PLA2G4A: variants seen among roughly 807,000 people sequenced by gnomAD.
PLA2G4A encodes the protein phospholipase A2 group IVA, also known as cytosolic phospholipase A2.
PLA2G4A carries 40 observed loss-of-function variants against 81.9 expected under a neutral mutation model. The observed-to-expected ratio is 0.49, with a 90% confidence interval of 0.38 to 0.64. The LOEUF (loss-of-function observed/expected upper bound fraction) is 0.64, where lower values mean the gene tolerates loss of function less well. Ranked by LOEUF, PLA2G4A falls within the 30% of genes least tolerant of loss-of-function variation. The pLI, the probability that PLA2G4A is intolerant of heterozygous loss-of-function variation, is 0.00. For missense variants in PLA2G4A, 715 were observed against 905.1 expected, an observed-to-expected ratio of 0.79 and a Z score of 2.69; for synonymous variants, 302 against 296.9, an observed-to-expected ratio of 1.02 and a Z score of -0.18.
intron 1 of PLA2G4A, among the ~76,000 whole-genome samples, chr1:186,843,854 G>A (rs1175070313): frequency 6.6e-5 from 10 of 152,248 alleles, no homozygotes; most frequent in East Asian, 1.9e-4. Context: ...CTCTGAAGCC[G>A]TTTCTACTTT....
At chr1:186,867,275 T>C (rs2102052886) in intron 2 of PLA2G4A, among the ~76,000 whole-genome samples, 1 of 152,270 alleles carries the variant, frequency 6.6e-6, no homozygotes, top group South Asian at 2.1e-4. Flanking sequence ...TTGTTGAATC[T>C]ATAGATCACA....
At chr1:186,932,294 C>CTT (rs67757094) in intron 7 of PLA2G4A, among the ~76,000 whole-genome samples, 171 of 138,528 alleles carry the variant, frequency 1.2e-3, no homozygotes, top group African/African-American at 3.0e-3. Flanking sequence ...TTTTCTTTTT[C>CTT]TTTTTTTTTT....
intron 2 of PLA2G4A, among the ~76,000 whole-genome samples, chr1:186,863,734 C>A (rs1037110629): frequency 6.6e-6 from 1 of 150,604 alleles, no homozygotes; most frequent in Admixed American, 6.7e-5. Flanking sequence ...AGATGTTGTG[C>A]TATTTGTTTT....
At chr1:186,966,447 T>C (rs1657133720) in intron 15 of PLA2G4A, among the ~76,000 whole-genome samples, 1 of 152,026 alleles carries the variant, frequency 6.6e-6, no homozygotes, top group African/African-American at 2.4e-5. Context: ...AGATGAAGAT[T>C]TATCATTAGG....
At chr1:186,972,298 T>C (rs2102287378) in intron 15 of PLA2G4A, among the ~76,000 whole-genome samples, 1 of 152,278 alleles carries the variant, frequency 6.6e-6, no homozygotes, top group African/African-American at 2.4e-5. Flanking sequence ...TTGTTAACCA[T>C]TTAATATCTT....
intron 10 of PLA2G4A, among the ~76,000 whole-genome samples, chr1:186,941,513 T>C (rs1025851667): frequency 2.0e-5 from 3 of 152,194 alleles, no homozygotes; most frequent in African/African-American, 7.2e-5. Flanking sequence ...GGGGAGTAGG[T>C]ATTTTTAGCT....
intron 2 of PLA2G4A, 48 bp from the exon 3 acceptor site, chr1:186,870,387 G>T (rs1466618149): frequency 5.5e-6 from 6 of 1,081,432 alleles, no homozygotes; most frequent in South Asian, 1.3e-5. Flanking sequence ...AAAAAATGAG[G>T]TTCTATGTTG....
intron 13 of PLA2G4A, among the ~76,000 whole-genome samples, chr1:186,954,374 G>C (rs1192649766): frequency 6.6e-6 from 1 of 152,100 alleles, no homozygotes; most frequent in African/African-American, 2.4e-5. Flanking sequence ...CTCACTCATA[G>C]GTGGGAATTA....
chr1:186,856,150 A>G (rs547094595), intron 2 of PLA2G4A, among the ~76,000 whole-genome samples: 10 of 152,148 alleles, frequency 6.6e-5, no homozygotes, highest in African/African-American at 2.2e-4. Context: ...TAATGATTCT[A>G]CAGAGGAGAG....
intron 7 of PLA2G4A, among the ~76,000 whole-genome samples, chr1:186,922,478 C>T (rs1010176842): frequency 1.3e-5 from 2 of 152,096 alleles, no homozygotes; most frequent in Non-Finnish European, 2.9e-5. Flanking sequence ...TGATCCTTCA[C>T]GGGGGCCTGC....
intron 7 of PLA2G4A, among the ~76,000 whole-genome samples, chr1:186,929,617 A>G (rs1161622526): frequency 2.0e-5 from 3 of 152,166 alleles, no homozygotes; most frequent in Non-Finnish European, 4.4e-5. Context: ...GGGGAAAAGC[A>G]GGGGCTATTT....
intron 15 of PLA2G4A, among the ~76,000 whole-genome samples, chr1:186,967,793 G>A (rs1273958880): frequency 6.6e-6 from 1 of 152,072 alleles, no homozygotes; most frequent in Non-Finnish European, 1.5e-5. Flanking sequence ...AGCTCCCTTA[G>A]AAAGGCTTAA....
chr1:186,838,347 G>C (rs1449835595), intron 1 of PLA2G4A, among the ~76,000 whole-genome samples: 1 of 152,110 alleles, frequency 6.6e-6, no homozygotes, highest in Non-Finnish European at 1.5e-5. Flanking sequence ...TGGATAACCA[G>C]TGCACTAAGC....
At chr1:186,839,508 A>G (rs1275295364) in intron 1 of PLA2G4A, among the ~76,000 whole-genome samples, 1 of 152,146 alleles carries the variant, frequency 6.6e-6, no homozygotes, top group Non-Finnish European at 1.5e-5. Flanking sequence ...TTTCCAAAGA[A>G]CCCATTGAGG....
chr1:186,925,132 A>T (rs1655503158), intron 7 of PLA2G4A, among the ~76,000 whole-genome samples: 1 of 152,182 alleles, frequency 6.6e-6, no homozygotes, highest in Non-Finnish European at 1.5e-5. Flanking sequence ...ATGTGTATCA[A>T]CAACTTAGAA....
intron 7 of PLA2G4A, among the ~76,000 whole-genome samples, chr1:186,924,490 ACCAGCTCTTCTT>A (rs956056006): frequency 2.0e-5 from 3 of 152,146 alleles, no homozygotes; most frequent in African/African-American, 7.2e-5. Flanking sequence ...GGTGTTCTTT[ACCAGCTCTTCTT>A]CATCTGAGCG....
intron 17 of PLA2G4A, among the ~76,000 whole-genome samples, chr1:186,980,770 CTTTAA>C (rs12720700): frequency 0.39 from 59,505 of 151,548 alleles, 13,886 homozygotes; most frequent in East Asian, 0.58. Context: ...TAATTAATAT[CTTTAA>C]TTTTTGTAAA....
At chr1:186,954,253 T>C (rs1571438257) in intron 13 of PLA2G4A, among the ~76,000 whole-genome samples, 1 of 152,132 alleles carries the variant, frequency 6.6e-6, no homozygotes, top group East Asian at 1.9e-4. Flanking sequence ...TGGAATACTA[T>C]ATAGCCATAA....
chr1:186,905,224 A>G (rs528452119), intron 5 of PLA2G4A, among the ~76,000 whole-genome samples: 3 of 152,172 alleles, frequency 2.0e-5, no homozygotes, highest in Non-Finnish European at 2.9e-5. Context: ...TTTCTTGAGC[A>G]CTTTCTGTCA....
Sources: gnomAD v4.1 joint callset for allele counts (sites outside exome capture counted in the v4.1 genomes callset) on GRCh38, gnomAD v4.1.1 for gene constraint, MANE v1.5 for transcripts, NCBI Gene and HGNC (gene_info 2026-07-23, HGNC 2026-07-21) for gene names.